Variants in ATXN3 observed in about 807,000 individuals in gnomAD.
The protein encoded by ATXN3 is ataxin-3.
Under a neutral mutation model 58.2 loss-of-function variants are expected in ATXN3, and 28 were observed. That is an observed-to-expected ratio of 0.48 (90% confidence interval 0.36 to 0.66). The LOEUF (loss-of-function observed/expected upper bound fraction) is 0.66, where lower values mean the gene tolerates loss of function less well. ATXN3 is among the 30% of genes least tolerant of loss of function. ATXN3 has a pLI of 0.00. For synonymous variants in ATXN3, 113 were observed against 138.5 expected (o/e 0.82, Z 1.29); for missense variants, 321 against 422.1 (o/e 0.76, Z 2.10).
In ATXN3 at chr14:92,063,503, G is replaced by A. The variant is rs2057924929; in HGVS notation, c.*817C>T. On this transcript the variant is annotated 3_prime_UTR_variant, in exon 11 of 11. Coordinates refer to ENST00000644486, the MANE Select transcript of ATXN3 (RefSeq NM_004993.6). ...GGAAAAAATAAGGCGCAGGAAGAAG[G>A]GGTTGCAACAAAGCTGTAAGGTTTT... The A allele has an allele frequency of 6.6e-6, 1 of 152,100 alleles. No individual in the cohort carries two copies. Among genetic ancestry groups the A allele is most frequent in the Admixed American group, 6.6e-5 (1 of 15,252 alleles). The allele number at this position is 152,100 out of a possible 1,614,324, so 9.4% of individuals were successfully genotyped here.
At chr14:92,084,676 T>C (rs1278816524) in intron 6 of ATXN3, among the ~76,000 whole-genome samples, 1 of 149,578 alleles carries the variant, frequency 6.7e-6, no homozygotes, top group African/African-American at 2.5e-5. Flanking sequence ...TCCCAGGAGG[T>C]TCAAGCGATT....
chr14:92,074,100 G>A (rs1201721800), intron 9 of ATXN3, among the ~76,000 whole-genome samples: 1 of 151,458 alleles, frequency 6.6e-6, no homozygotes, highest in Non-Finnish European at 1.5e-5. Context: ...GCTGAGGCGG[G>A]CAGATCACCT....
At chr14:92,094,299 C>A (rs778504040) in intron 3 of ATXN3, among the ~76,000 whole-genome samples, 6 of 152,090 alleles carry the variant, frequency 3.9e-5, no homozygotes, top group Middle Eastern at 3.4e-3. Flanking sequence ...TAAAAAAAAA[C>A]ACATATATAT....
upstream of ATXN3, among the ~76,000 whole-genome samples, chr14:92,052,578 T>G (rs944346283): frequency 2.6e-5 from 4 of 152,170 alleles, no homozygotes; most frequent in African/African-American, 9.7e-5. Context: ...TGTTCTCCCC[T>G]TCATATATAG....
downstream of ATXN3, among the ~76,000 whole-genome samples, chr14:92,054,772 T>C (rs528729267): frequency 1.3e-5 from 2 of 152,298 alleles, no homozygotes; most frequent in African/African-American, 4.8e-5. Context: ...AGCAGATTCC[T>C]GACACTGTGA....
downstream of ATXN3, among the ~76,000 whole-genome samples, chr14:92,054,530 A>T (rs1466826460): frequency 6.6e-6 from 1 of 152,230 alleles, no homozygotes; most frequent in Non-Finnish European, 1.5e-5. Flanking sequence ...TGGTCTAAAA[A>T]GGGGAGGCAT....
downstream of ATXN3, among the ~76,000 whole-genome samples, chr14:92,056,899 TAGA>T (rs1222972880): frequency 6.6e-6 from 1 of 152,124 alleles, no homozygotes; most frequent in East Asian, 1.9e-4. Flanking sequence ...CAGGATGAGA[TAGA>T]AGGTCTGCAC....
At chr14:92,088,577 C>T (rs1056028330) in intron 6 of ATXN3, among the ~76,000 whole-genome samples, 153 bp downstream of exon 6, 6 of 152,190 alleles carry the variant, frequency 3.9e-5, no homozygotes, top group African/African-American at 1.4e-4. Flanking sequence ...AACTGAACAG[C>T]GTCACCCAAA....
At chr14:92,064,526 G>T in intron 10 of ATXN3, 112 bp from the exon 11 acceptor site, 1 of 784,610 alleles carries the variant, frequency 1.3e-6, no homozygotes, top group Non-Finnish European at 2.1e-6. Context: ...TTCTTTTTTT[G>T]ATTTAATACA....
rs2061778948 is a variant in ATXN3, at chr14:92,083,206, T to C, written c.528A>G (p.Gln176=). The C allele has an allele frequency of 6.2e-7, 1 of 1,613,746 alleles. No individual in the cohort carries two copies. The highest frequency in any genetic ancestry group is 8.5e-7 in the Non-Finnish European group (1 of 1,179,932). ...KGDLPDCEAD[Q]LLQMIRVQQM... ...GTTGGACCCTAATCATCTGCAGGAGTTGGTCAGCTTCGCAATCTGGCAGAT... is the reference window on the plus strand; with the variant it reads ...GTTGGACCCTAATCATCTGCAGGAGCTGGTCAGCTTCGCAATCTGGCAGAT... Residue 176 remains glutamine, a synonymous_variant, in exon 7 of 11, where the codon CAA becomes CAG. Coordinates refer to ENST00000644486, the MANE Select transcript of ATXN3 (RefSeq NM_004993.6).
intron 10 of ATXN3, among the ~76,000 whole-genome samples, chr14:92,065,193 C>A (rs2058172785): frequency 6.6e-6 from 1 of 152,212 alleles, no homozygotes; most frequent in African/African-American, 2.4e-5. Flanking sequence ...TTTAGTTGAA[C>A]AAGTGGAATC....
chr14:92,066,274 A>G (rs183882162), intron 10 of ATXN3, among the ~76,000 whole-genome samples: 172 of 152,252 alleles, frequency 1.1e-3, no homozygotes, highest in South Asian at 6.2e-3. Context: ...ACCCTCCTTC[A>G]TCTGTAACAT....
rs750717644 is a variant in ATXN3, at chr14:92,088,759, G to T, written c.446C>A (p.Ala149Glu). 6.2e-7 allele frequency: 1 copy of T among 1,611,768 alleles called. No homozygotes were observed. The highest frequency in any genetic ancestry group is 8.5e-7 in the Non-Finnish European group (1 of 1,178,270). Residue 149 changes from alanine to glutamate, a missense_variant, in exon 6 of 11, where the codon GCA becomes GAA. Transcript: ENST00000644486. ...CTGTTGTAATTGAGCCAAGAAAAGT[G>T]CAAGATATGTATCTGATATTAATTC... is the stretch of plus-strand genomic sequence containing the variant. Reference protein sequence around the residue: ...GPELISDTYLALFLAQLQQEG... With the variant: ...GPELISDTYLELFLAQLQQEG...
At chr14:92,053,394 T>C (rs559176949), upstream of ATXN3, among the ~76,000 whole-genome samples, 34 of 152,174 alleles carry the variant, frequency 2.2e-4, no homozygotes, top group African/African-American at 8.2e-4. Flanking sequence ...TTCTGGCCAA[T>C]GTAATGTAAA....
chr14:92,081,204 G>A, intron 8 of ATXN3, 143 bp from the exon 9 acceptor site: 2 of 567,606 alleles, frequency 3.5e-6, no homozygotes, highest in Non-Finnish European at 3.1e-6. Flanking sequence ...GGGCGTGGTG[G>A]CTCACACATG....
intron 9 of ATXN3, among the ~76,000 whole-genome samples, chr14:92,077,150 T>C (rs180883283): frequency 6.6e-6 from 1 of 152,108 alleles, no homozygotes; most frequent in African/African-American, 2.4e-5. Context: ...CAATATTAAT[T>C]ATAATAGCAG....
At chr14:92,069,165 G>A (rs548554248) in intron 10 of ATXN3, among the ~76,000 whole-genome samples, 10 of 147,676 alleles carry the variant, frequency 6.8e-5, no homozygotes, top group African/African-American at 2.3e-4. Flanking sequence ...TGCAATCTCC[G>A]CCTCCCGGGT....
chr14:92,089,402 G>A (rs1380623766), intron 5 of ATXN3, among the ~76,000 whole-genome samples: 8 of 142,488 alleles, frequency 5.6e-5, no homozygotes, highest in African/African-American at 1.1e-4. Context: ...GCAGTGGCGC[G>A]ATCTCGGCTC....
At chr14:92,055,122 C>T (rs557773235), downstream of ATXN3, among the ~76,000 whole-genome samples, 1 of 152,238 alleles carries the variant, frequency 6.6e-6, no homozygotes, top group Admixed American at 6.5e-5. The surrounding 1 kb of genome is among the most constrained non-coding windows in gnomAD (Gnocchi z 4.5). Context: ...CCTCGTGATC[C>T]GCCTGCCTCA....
Sources: gnomAD v4.1 joint callset for allele counts (sites outside exome capture counted in the v4.1 genomes callset) on GRCh38, gnomAD v4.1.1 for gene constraint, Gnocchi (gnomAD v3.1) non-coding constraint, MANE v1.5 for transcripts, NCBI Gene and HGNC (gene_info 2026-07-23, HGNC 2026-07-21) for gene names.